The following CEP63 variants were observed in gnomAD, a reference collection of about 807,000 sequenced individuals.
CEP63 encodes the protein centrosomal protein of 63 kDa.
CEP63 carries 84 observed loss-of-function variants against 89.1 expected under a neutral mutation model. The ratio of observed to expected loss-of-function variants is 0.94; its 90% CI spans 0.79 to 1.13. CEP63 has a LOEUF of 1.13. Ranked by LOEUF, CEP63 falls within the 50% of genes most tolerant of loss-of-function variation. CEP63 has a pLI of 0.00. For synonymous variants in CEP63, 267 were observed against 272.5 expected (o/e 0.98, Z 0.20); for missense variants, 838 against 813.3 (o/e 1.03, Z -0.37).
the CEP63 span, among the ~76,000 whole-genome samples, chr3:134,710,044 T>C: frequency 3.7e-4 from 57 of 152,322 alleles, no homozygotes; most frequent in Non-Finnish European, 6.0e-4. Flanking sequence ...GTTGTGGCCA[T>C]TGGGTGTTCA....
At chr3:134,760,198 A>G in the CEP63 span, among the ~76,000 whole-genome samples, 1 of 151,582 alleles carries the variant, frequency 6.6e-6, no homozygotes, top group African/African-American at 2.4e-5. Flanking sequence ...AGCTGGGACT[A>G]CAGGCGCCCG....
the CEP63 span, among the ~76,000 whole-genome samples, chr3:134,665,737 C>T: frequency 8.5e-6 from 1 of 117,232 alleles, no homozygotes; most frequent in Non-Finnish European, 1.9e-5. Flanking sequence ...AGGGACAGAG[C>T]GAGACAGACA....
the CEP63 span, among the ~76,000 whole-genome samples, chr3:134,622,503 T>C: frequency 6.6e-6 from 1 of 152,140 alleles, no homozygotes. Flanking sequence ...ATATGAAATA[T>C]CTAGAATAGG....
chr3:134,610,546 A>G, the CEP63 span: 1 of 625,162 alleles, frequency 1.6e-6, no homozygotes. Context: ...GATGGCTTTT[A>G]TCTCGGGGCA....
intron 6 of CEP63, among the ~76,000 whole-genome samples, chr3:134,539,712 AT>A (rs540348684): frequency 1.3e-5 from 2 of 152,060 alleles, no homozygotes; most frequent in African/African-American, 2.4e-5. Flanking sequence ...TCTCTGTATA[AT>A]TTTTTTCTTA....
chr3:134,680,325 T>C, the CEP63 span, among the ~76,000 whole-genome samples: 2 of 152,232 alleles, frequency 1.3e-5, no homozygotes, highest in African/African-American at 2.4e-5. Context: ...AGTTTTTAAA[T>C]AGTCCTAGTC....
At chr3:134,528,460 G>A (rs941380221) in intron 3 of CEP63, among the ~76,000 whole-genome samples, 8 of 152,148 alleles carry the variant, frequency 5.3e-5, no homozygotes, top group African/African-American at 1.7e-4. Flanking sequence ...CAGATCTTAT[G>A]AAATCATTTA....
rs1957441264 is a variant in CEP63 at position 134,562,460 on chromosome 3, C to T, written c.*925C>T. 1 of 153,116 alleles carries T rather than the reference C, an allele frequency of 6.5e-6. No homozygotes were observed. The highest frequency in any genetic ancestry group is 2.4e-5 in the African/African-American group (1 of 41,446). 9.5% of individuals were successfully genotyped at this position (153,116 alleles called of 1,614,324 possible). A position where few individuals can be genotyped will look rare whatever the true frequency, so the allele number is the denominator to read the frequency against. ...GTACTTGCCAGCTCAAGGGTGTGGCCTCTGTGAACCCTCTTTCTGTAGTGG... is the reference window on the plus strand; with the variant it reads ...GTACTTGCCAGCTCAAGGGTGTGGCTTCTGTGAACCCTCTTTCTGTAGTGG... On this transcript the variant is annotated 3_prime_UTR_variant, in exon 15 of 15. Transcript: ENST00000675561.
the CEP63 span, among the ~76,000 whole-genome samples, chr3:134,749,139 T>A: frequency 9.2e-5 from 14 of 152,182 alleles, no homozygotes; most frequent in Admixed American, 3.9e-4. Context: ...TGAAGACTTT[T>A]CACTAGGTCA....
At chr3:134,551,758 C>T (rs921674256) in intron 11 of CEP63, among the ~76,000 whole-genome samples, 168 bp from the exon 12 acceptor site, 7 of 133,912 alleles carry the variant, frequency 5.2e-5, no homozygotes, top group East Asian at 2.2e-4. Context: ...TATATATACA[C>T]ACACACACGT....
chr3:134,612,751 C>CTGTGTGTGTGTGTG, the CEP63 span, among the ~76,000 whole-genome samples: 495 of 125,476 alleles, frequency 3.9e-3, 7 homozygotes, highest in East Asian at 0.021. Flanking sequence ...CACGCCGATG[C>CTGTGTGTGTGTGTG]TGTGTGTGTG....
chr3:134,653,798 C>T, the CEP63 span, among the ~76,000 whole-genome samples: 1 of 152,212 alleles, frequency 6.6e-6, no homozygotes, highest in Admixed American at 6.5e-5. Flanking sequence ...CTGCAAATCT[C>T]CAGACCCATC....
intron 1 of CEP63, among the ~76,000 whole-genome samples, chr3:134,490,221 A>G (rs1356216486): frequency 6.6e-6 from 1 of 152,172 alleles, no homozygotes; most frequent in African/African-American, 2.4e-5. Context: ...ATTGTTTCCA[A>G]CATTTAACAT....
At position 134,562,066 on chromosome 3, in the gene CEP63, G is replaced by A. The variant is rs549971647; in HGVS notation, c.*531G>A. Reference sequence around the variant, plus strand: ...AAAGTCAGGCTGGTAGTGAATAAGGGGGGGGTGTGCTAAAGAACCTTATCA... The same window carrying A: ...AAAGTCAGGCTGGTAGTGAATAAGGAGGGGGTGTGCTAAAGAACCTTATCA... On this transcript the variant is annotated 3_prime_UTR_variant, in exon 15 of 15. Coordinates refer to ENST00000675561, the MANE Select transcript of CEP63 (RefSeq NM_001353108.3). 1.0e-6 allele frequency: 1 copy of A among 994,936 alleles called. No individual in the cohort carries two copies. The highest frequency in any genetic ancestry group is 1.2e-6 in the Non-Finnish European group (1 of 835,874). 61.6% of individuals were successfully genotyped at this position (994,936 alleles called of 1,614,324 possible).
At chr3:134,547,614 C>CTTATTTTTTTTTTTTTTTTTTTTTTT (rs1953746574) in intron 9 of CEP63, 142 bp downstream of exon 9, 1 of 224,274 alleles carries the variant, frequency 4.5e-6, no homozygotes, top group Non-Finnish European at 8.0e-6. Context: ...GTTCTTATTT[C>CTTATTTTTTTTTTTTTTTTTTTTTTT]TTTTTTTTTT....
chr3:134,486,910 T>C (rs1935674102), intron 1 of CEP63, among the ~76,000 whole-genome samples: 1 of 152,200 alleles, frequency 6.6e-6, no homozygotes, highest in South Asian at 2.1e-4. Flanking sequence ...TGGAGATACT[T>C]GAAGACAGTA....
intron 5 of CEP63, 102 bp from the exon 6 acceptor site, chr3:134,537,053 G>A (rs753374665): frequency 7.1e-5 from 56 of 789,152 alleles, no homozygotes; most frequent in Admixed American, 1.4e-4. Flanking sequence ...AGGTGCAAGC[G>A]TACCCAGGGA....
the CEP63 span, among the ~76,000 whole-genome samples, chr3:134,735,743 A>G: frequency 6.6e-6 from 1 of 152,168 alleles, no homozygotes; most frequent in Non-Finnish European, 1.5e-5. Context: ...GCAAATAATG[A>G]CAATTGACTG....
the CEP63 span, among the ~76,000 whole-genome samples, chr3:134,686,054 G>A: frequency 1.3e-5 from 2 of 152,288 alleles, no homozygotes; most frequent in Non-Finnish European, 1.5e-5. Flanking sequence ...GTCTGACTCC[G>A]ATGTCTGTGC....
Sources: allele counts gnomAD v4.1 joint callset (sites outside exome capture counted in the v4.1 genomes callset), GRCh38; gene constraint gnomAD v4.1.1; transcripts MANE v1.5; gene names NCBI Gene and HGNC (gene_info 2026-07-23, HGNC 2026-07-21).